IL18R1: variants seen among roughly 807,000 people sequenced by gnomAD.
IL18R1 encodes the protein interleukin-18 receptor 1.
IL18R1 carries 40 observed loss-of-function variants against 48.5 expected under a neutral mutation model. That is an observed-to-expected ratio of 0.82 (90% CI 0.64 to 1.07). The LOEUF (loss-of-function observed/expected upper bound fraction) is 1.07, where lower values mean the gene tolerates loss of function less well. Ranked by LOEUF, IL18R1 falls within the 50% of genes least tolerant of loss-of-function variation. The pLI, the probability that IL18R1 is intolerant of heterozygous loss-of-function variation, is 0.00. For synonymous variants in IL18R1, 232 were observed against 225.9 expected (o/e 1.03, Z -0.24); for missense variants, 596 against 633.7 (o/e 0.94, Z 0.64).
chr2:102,387,904 G>A (rs1404268526), intron 8 of IL18R1, among the ~76,000 whole-genome samples: 2 of 152,026 alleles, frequency 1.3e-5, no homozygotes, highest in African/African-American at 2.4e-5. Context: ...GAGACACAGA[G>A]AGACAGAGAA....
chr2:102,372,943 T>A (rs930178509), intron 4 of IL18R1, among the ~76,000 whole-genome samples: 3 of 152,234 alleles, frequency 2.0e-5, no homozygotes, highest in Non-Finnish European at 4.4e-5. Context: ...CATGTTTTTA[T>A]GTCTTTTTCC....
chr2:102,361,349 C>G (rs1160422907), intron 1 of IL18R1, among the ~76,000 whole-genome samples: 1 of 152,140 alleles, frequency 6.6e-6, no homozygotes, highest in Non-Finnish European at 1.5e-5. Flanking sequence ...TGATTATTAT[C>G]TCTTGGAAAT....
At chr2:102,381,008 A>G (rs1233245790) in intron 5 of IL18R1, among the ~76,000 whole-genome samples, 1 of 152,198 alleles carries the variant, frequency 6.6e-6, no homozygotes, top group East Asian at 1.9e-4. Context: ...AAGCATCACC[A>G]GATGGGGACT....
intron 2 of IL18R1, among the ~76,000 whole-genome samples, chr2:102,366,208 AT>A (rs1242787552): frequency 6.6e-6 from 1 of 152,098 alleles, no homozygotes; most frequent in Non-Finnish European, 1.5e-5. Context: ...CTCTTGAATG[AT>A]TTGCTCTTTA....
Position 102,373,780 on chromosome 2 carries a change from C to T in IL18R1, c.468+1662C>T, listed in dbSNP as rs574635646. Among the ~76,000 whole-genome samples the T allele has an allele frequency of 1.4e-4, 21 of 152,272 alleles. No individual in the cohort carries two copies. In the East Asian group the frequency reaches 4.1e-3, roughly 29 times the overall value. On this transcript the variant is annotated intron_variant, in intron 4 of 10. Transcript: ENST00000233957. ...CCCCAATCCCCATGCCACTCCCCCTCACTAACATTACCACCTCCTGTGAGA... is the reference window on the plus strand; with the variant it reads ...CCCCAATCCCCATGCCACTCCCCCTTACTAACATTACCACCTCCTGTGAGA...
At chr2:102,360,969 A>G (rs1407350626) in intron 1 of IL18R1, among the ~76,000 whole-genome samples, 1 of 152,198 alleles carries the variant, frequency 6.6e-6, no homozygotes, top group Admixed American at 6.5e-5. Flanking sequence ...TTACATACAC[A>G]CATCCACATT....
chr2:102,360,357 G>A (rs540448198), intron 1 of IL18R1, among the ~76,000 whole-genome samples: 10 of 152,226 alleles, frequency 6.6e-5, no homozygotes, highest in Middle Eastern at 6.8e-3. Context: ...TCCGCCTCCC[G>A]GATTCACACC....
chr2:102,375,257 G>A (rs1450608551), intron 4 of IL18R1, among the ~76,000 whole-genome samples: 1 of 152,160 alleles, frequency 6.6e-6, no homozygotes, highest in Non-Finnish European at 1.5e-5. Context: ...TGTCAGATGT[G>A]CTGGATTGAA....
At chr2:102,362,567 C>A in intron 1 of IL18R1, 66 bp from the exon 2 acceptor site, 4 of 1,043,554 alleles carry the variant, frequency 3.8e-6, no homozygotes, top group Non-Finnish European at 5.5e-6. Flanking sequence ...GATTTTTAAA[C>A]CTTCATAAGA....
At chr2:102,390,291 A>G (rs972665671) in intron 9 of IL18R1, 74 bp downstream of exon 9, 5 of 1,310,876 alleles carry the variant, frequency 3.8e-6, no homozygotes, top group African/African-American at 2.9e-5. Context: ...ATTAATCTTC[A>G]TCTTATTGTG....
At chr2:102,375,149 T>C (rs1039667072) in intron 4 of IL18R1, among the ~76,000 whole-genome samples, 5 of 152,190 alleles carry the variant, frequency 3.3e-5, no homozygotes, top group African/African-American at 1.2e-4. Context: ...TTCTCCTTGC[T>C]TGGTGTTTGC....
intron 2 of IL18R1, among the ~76,000 whole-genome samples, chr2:102,363,451 C>T (rs540819930): frequency 1.7e-4 from 26 of 152,204 alleles, no homozygotes; most frequent in Non-Finnish European, 2.6e-4. Flanking sequence ...TATTTACTTA[C>T]GTGAATCCAT....
chr2:102,389,385 G>T (rs1680431652), intron 8 of IL18R1, among the ~76,000 whole-genome samples: 1 of 152,068 alleles, frequency 6.6e-6, no homozygotes, highest in African/African-American at 2.4e-5. Context: ...TATTATCTCA[G>T]ATTGTCCATA....
chr2:102,379,444 CA>C (rs112656218), intron 5 of IL18R1, among the ~76,000 whole-genome samples: 2,446 of 102,600 alleles, frequency 0.024, 5 homozygotes, highest in Non-Finnish European at 0.032. Context: ...GACTCGGTCT[CA>C]AAAAAAAAAA....
intron 4 of IL18R1, 80 bp from the exon 5 acceptor site, chr2:102,375,827 C>A (rs1326592462): frequency 7.5e-6 from 7 of 935,792 alleles, no homozygotes; most frequent in African/African-American, 6.9e-5. Context: ...CTCTAAAGAT[C>A]TTTAACTCAA....
rs1281384238 is a variant in IL18R1, at chr2:102,386,895, T to C, written c.844T>C (p.Leu282=). The C allele has an allele frequency of 6.2e-7, 1 of 1,614,208 alleles. No individual in the cohort carries two copies. Among genetic ancestry groups the C allele is most frequent in the South Asian group, 1.1e-5 (1 of 91,084 alleles). ...AGGCAAATGGCATGCTTCAAAAGTA[T>C]TGAGAATTGAAAATATTGGTGAAAG... ...PEGKWHASKV[L]RIENIGESNL... Residue 282 remains leucine (L), a synonymous_variant, in exon 8 of 11, where the codon TTG becomes CTG. Coordinates refer to ENST00000233957, the MANE Select transcript of IL18R1 (RefSeq NM_003855.5).
chr2:102,369,189 C>G (rs1303585134), intron 3 of IL18R1, among the ~76,000 whole-genome samples: 2 of 152,032 alleles, frequency 1.3e-5, no homozygotes, highest in East Asian at 3.9e-4. Context: ...AAACACCGCC[C>G]CCCCCACCAC....
At chr2:102,365,875 G>A (rs1326054715) in intron 2 of IL18R1, among the ~76,000 whole-genome samples, 1 of 152,164 alleles carries the variant, frequency 6.6e-6, no homozygotes, top group East Asian at 1.9e-4. Context: ...ATCTTGGCCT[G>A]TTTTAGCAAT....
At chr2:102,379,743 G>A (rs1679809950) in intron 5 of IL18R1, among the ~76,000 whole-genome samples, 1 of 152,194 alleles carries the variant, frequency 6.6e-6, no homozygotes. Context: ...TAGACAGAAA[G>A]GCAGGAGAAG....
Sources: gnomAD v4.1 joint callset for allele counts (sites outside exome capture counted in the v4.1 genomes callset) on GRCh38, gnomAD v4.1.1 for gene constraint, MANE v1.5 for transcripts, NCBI Gene and HGNC (gene_info 2026-07-23, HGNC 2026-07-21) for gene names.